PACC1: variants seen among roughly 807,000 people sequenced by gnomAD.
The protein encoded by PACC1 is proton activated chloride channel 1.
Under a neutral mutation model 39.7 loss-of-function variants are expected in PACC1, and 34 were observed. The observed-to-expected ratio is 0.86, with a 90% CI of 0.65 to 1.14. The LOEUF is 1.14. Ranked by LOEUF, PACC1 falls within the 50% of genes most tolerant of loss-of-function variation. The pLI is 0.00. For synonymous variants in PACC1, 127 were observed against 160.6 expected (o/e 0.79, Z 1.58); for missense variants, 379 against 436.4 (o/e 0.87, Z 1.17).
intron 5 of PACC1, among the ~76,000 whole-genome samples, chr1:212,379,127 TA>T (rs1292951067): frequency 1.3e-5 from 2 of 152,082 alleles, no homozygotes; most frequent in Middle Eastern, 3.4e-3. Flanking sequence ...GTATTTTTAG[TA>T]GAGATGGGGT....
chr1:212,375,091 A>C, intron 7 of PACC1, 102 bp downstream of exon 7: 1 of 922,040 alleles, frequency 1.1e-6, no homozygotes, highest in Non-Finnish European at 1.6e-6. Context: ...ATGAGCCAAA[A>C]GACTTCAGGG....
At chr1:212,376,166 G>A (rs1660659018) in intron 6 of PACC1, among the ~76,000 whole-genome samples, 1 of 152,096 alleles carries the variant, frequency 6.6e-6, no homozygotes, top group Non-Finnish European at 1.5e-5. Flanking sequence ...GAGCAGACAG[G>A]TAACAAAGGC....
rs747285739 is a variant in PACC1, at chr1:212,365,261, T to C, written c.1007A>G (p.Lys336Arg). The change falls in exon 8 of 8, where the codon AAG becomes AGG. Residue 336 changes from lysine (K) to arginine (R), a missense_variant. Transcript: ENST00000261455. The part of the protein sequence containing the change: ...LSIKWMIKIR[K>R]RYLKRRGQAT... ...CTGACCTCTTCTTTTAAGGTATCTC[T>C]TTCTAATTTTGATCATCCATTTTAT... 9.9e-6 allele frequency: 16 copies of C among 1,613,916 alleles called. No individual in the cohort carries two copies. Among genetic ancestry groups the C allele is most frequent in the Non-Finnish European group, 7.6e-6 (9 of 1,179,942 alleles).
intron 1 of PACC1, chr1:212,414,134 G>A (rs1009152513): frequency 3.9e-5 from 57 of 1,470,904 alleles, no homozygotes; most frequent in Non-Finnish European, 4.9e-5. Flanking sequence ...AAAGTCGTGG[G>A]AGGAGGTGAG....
chr1:212,394,737 G>T (rs1661449710), intron 2 of PACC1, among the ~76,000 whole-genome samples: 3 of 152,192 alleles, frequency 2.0e-5, no homozygotes, highest in Non-Finnish European at 4.4e-5. Flanking sequence ...CTTCAGCAAA[G>T]TCTCAGGATA....
At chr1:212,367,946 TAGGA>T (rs1381268809) in intron 7 of PACC1, among the ~76,000 whole-genome samples, 2 of 152,212 alleles carry the variant, frequency 1.3e-5, no homozygotes, top group East Asian at 3.9e-4. Flanking sequence ...TGCATTGGTT[TAGGA>T]GGGACCCAGG....
chr1:212,384,297 C>G (rs1055215598), intron 4 of PACC1, among the ~76,000 whole-genome samples: 8 of 149,452 alleles, frequency 5.4e-5, no homozygotes, highest in Non-Finnish European at 1.0e-4. Context: ...CACATACTAA[C>G]AAAAAAAAAA....
intron 2 of PACC1, among the ~76,000 whole-genome samples, chr1:212,398,035 ATTT>A (rs1661584840): frequency 6.6e-6 from 1 of 152,204 alleles, no homozygotes; most frequent in Non-Finnish European, 1.5e-5. Flanking sequence ...ATTTTACAGG[ATTT>A]TTGAGAGAAG....
At chr1:212,406,777 T>C (rs1661936042) in intron 2 of PACC1, among the ~76,000 whole-genome samples, 1 of 152,220 alleles carries the variant, frequency 6.6e-6, no homozygotes, top group African/African-American at 2.4e-5. Flanking sequence ...CCTATTCTGA[T>C]TGACCCCAGG....
At chr1:212,390,594 G>A (rs1192264161) in intron 2 of PACC1, among the ~76,000 whole-genome samples, 1 of 152,056 alleles carries the variant, frequency 6.6e-6, no homozygotes, top group Non-Finnish European at 1.5e-5. Context: ...TACAGTGGGT[G>A]CAGGACAGTG....
Position 212,410,388 on chromosome 1 carries a change from TGCA to T in PACC1, c.133+34_133+36del, listed in dbSNP as rs1191245697. ...AGGCGCCTAGACTGGGGTGTCCAGCTGCAGCAACAGCACAGCAAAGCACCAAAC... is the reference window on the plus strand; with the variant it reads ...AGGCGCCTAGACTGGGGTGTCCAGCTGCAACAGCACAGCAAAGCACCAAAC... On this transcript the variant is annotated intron_variant, in intron 2 of 7. Transcript: ENST00000261455. The T allele has an allele frequency of 1.9e-6, 3 of 1,597,588 alleles. No homozygotes were observed. The African/African-American group carries it at 4.0e-5, about 21-fold the overall frequency.
intron 4 of PACC1, among the ~76,000 whole-genome samples, chr1:212,382,051 T>G (rs578083361): frequency 6.6e-6 from 1 of 152,248 alleles, no homozygotes; most frequent in South Asian, 2.1e-4. Context: ...CTTGTTTTTT[T>G]TTTTTGAGAC....
At chr1:212,410,278 T>C (rs1274889556) in intron 2 of PACC1, 147 bp downstream of exon 2, 2 of 738,802 alleles carry the variant, frequency 2.7e-6, no homozygotes, top group East Asian at 2.5e-5. Flanking sequence ...GCTGGTTAAA[T>C]ATGTATGGCT....
At chr1:212,401,730 G>C (rs1260454906) in intron 2 of PACC1, among the ~76,000 whole-genome samples, 1 of 144,698 alleles carries the variant, frequency 6.9e-6, no homozygotes, top group African/African-American at 2.6e-5. Flanking sequence ...CTGGAGTGCA[G>C]TGGCACCATC....
At chr1:212,401,577 G>A (rs1307184633) in intron 2 of PACC1, among the ~76,000 whole-genome samples, 1 of 137,174 alleles carries the variant, frequency 7.3e-6, no homozygotes, top group African/African-American at 2.7e-5. Flanking sequence ...AATGAGCCGA[G>A]ACGGCGCCAC....
intron 2 of PACC1, among the ~76,000 whole-genome samples, chr1:212,406,474 C>T (rs1037419356): frequency 6.6e-6 from 1 of 152,104 alleles, no homozygotes; most frequent in Non-Finnish European, 1.5e-5. Context: ...CAAGATCGTG[C>T]CACTGCACTG....
chr1:212,377,847 C>T (rs1660726138), intron 5 of PACC1, 141 bp from the exon 6 acceptor site: 2 of 931,172 alleles, frequency 2.1e-6, no homozygotes, highest in South Asian at 3.4e-5. Flanking sequence ...ATTGTGATTG[C>T]CTCAACAGGG....
At chr1:212,387,310 A>C (rs1661138391) in intron 2 of PACC1, among the ~76,000 whole-genome samples, 2 of 152,230 alleles carry the variant, frequency 1.3e-5, no homozygotes, top group African/African-American at 4.8e-5. Flanking sequence ...CACCAAGCTG[A>C]AGGAGACTTA....
intron 2 of PACC1, among the ~76,000 whole-genome samples, chr1:212,401,545 G>A (rs1322056260): frequency 7.1e-6 from 1 of 141,332 alleles, no homozygotes. Context: ...AGAATCACTT[G>A]AACCCAGGAG....
Sources: allele counts gnomAD v4.1 joint callset (sites outside exome capture counted in the v4.1 genomes callset), GRCh38; gene constraint gnomAD v4.1.1; transcripts MANE v1.5; gene names NCBI Gene and HGNC (gene_info 2026-07-23, HGNC 2026-07-21).